Variants in MCTP1 observed in about 807,000 individuals in gnomAD.
The protein encoded by MCTP1 is multiple C2 and transmembrane domain containing 1, also known as multiple C2 and transmembrane domain-containing protein 1.
Under a neutral mutation model 120.6 loss-of-function variants are expected in MCTP1, and 69 were observed. The observed-to-expected ratio is 0.57, with a 90% CI of 0.47 to 0.70. The LOEUF (loss-of-function observed/expected upper bound fraction) is 0.70. Among genes scored for constraint, MCTP1 ranks in the 30% least tolerant of loss-of-function variants. The probability of loss-of-function intolerance (pLI) is 0.00; values close to 1 mark genes in which losing one functional copy is unlikely to be tolerated. For missense variants in MCTP1, 1,203 were observed against 1,248.8 expected, an observed-to-expected ratio of 0.96 and a Z score of 0.55; for synonymous variants, 529 against 493.1, an observed-to-expected ratio of 1.07 and a Z score of -0.96.
At chr5:94,724,632 A>T (rs1213639546) in intron 19 of MCTP1, among the ~76,000 whole-genome samples, 1 of 152,188 alleles carries the variant, frequency 6.6e-6, no homozygotes, top group Non-Finnish European at 1.5e-5. Context: ...AATGGGTTAC[A>T]TCAGAGACTT....
intron 1 of MCTP1, among the ~76,000 whole-genome samples, chr5:95,116,402 A>G (rs1169982267): frequency 6.6e-6 from 1 of 152,190 alleles, no homozygotes; most frequent in Non-Finnish European, 1.5e-5. Context: ...TAAGAGTTGG[A>G]GGAAGCAGTA....
intron 8 of MCTP1, among the ~76,000 whole-genome samples, chr5:94,916,433 G>A (rs1810072906): frequency 6.6e-6 from 1 of 152,132 alleles, no homozygotes; most frequent in Admixed American, 6.6e-5. Context: ...GTGTATCTAC[G>A]GGTGGAGGGA....
rs1689265634 is a variant in MCTP1 at position 94,707,546 on chromosome 5, G to T, written c.2950C>A (p.Pro984Thr). The T allele has an allele frequency of 6.2e-7, 1 of 1,611,694 alleles. No individual in the cohort carries two copies. Among genetic ancestry groups the T allele is most frequent in the African/African-American group, 1.3e-5 (1 of 74,706 alleles). ...TTATATGGGCTATGAGAAGGATCTG[G>T]TTTCAGTTCTTGGTATTGCACCTGT... ...VQVVQYQELK[P>T]DPSHSPYKRK... Residue 984 changes from proline to threonine, a missense_variant, in exon 23 of 23, where the codon CCA becomes ACA. By Grantham distance (38) the Pro-to-Thr change is conservative. Around this residue, in one of 2 missense-constraint regions of MCTP1, gnomAD observed 740 missense variants for 871.1 expected, o/e 0.85. Coordinates refer to ENST00000515393, the MANE Select transcript of MCTP1 (RefSeq NM_024717.7).
intron 1 of MCTP1, among the ~76,000 whole-genome samples, chr5:95,019,373 T>A (rs921942497): frequency 3.3e-5 from 5 of 152,058 alleles, no homozygotes; most frequent in Admixed American, 3.3e-4. Context: ...CTGAACTTAC[T>A]CATCTTACAG....
intron 2 of MCTP1, among the ~76,000 whole-genome samples, chr5:94,983,805 C>T (rs182860594): frequency 6.6e-6 from 1 of 152,298 alleles, no homozygotes. Context: ...GCCTTCCGAC[C>T]TATAGCCCTT....
intron 17 of MCTP1, among the ~76,000 whole-genome samples, chr5:94,843,642 G>A (rs1474961438): frequency 6.6e-6 from 1 of 152,166 alleles, no homozygotes; most frequent in African/African-American, 2.4e-5. Flanking sequence ...GAGGCCATTA[G>A]TTGTGTCTCT....
At chr5:94,950,138 T>A (rs1419861675) in intron 3 of MCTP1, among the ~76,000 whole-genome samples, 1 of 152,092 alleles carries the variant, frequency 6.6e-6, no homozygotes, top group Non-Finnish European at 1.5e-5. Flanking sequence ...TTAATACTTT[T>A]AAAATATTAT....
intron 2 of MCTP1, among the ~76,000 whole-genome samples, chr5:94,955,560 G>C (rs1353336411): frequency 6.6e-6 from 1 of 152,260 alleles, no homozygotes; most frequent in South Asian, 2.1e-4. Flanking sequence ...AGTCGACCTG[G>C]GAGGCTTGAG....
chr5:95,219,813 T>A (rs1229409077), intron 1 of MCTP1, among the ~76,000 whole-genome samples: 1 of 152,206 alleles, frequency 6.6e-6, no homozygotes, highest in East Asian at 1.9e-4. Context: ...TTCATTTGAC[T>A]CCCCACTATT....
intron 1 of MCTP1, among the ~76,000 whole-genome samples, chr5:95,210,901 G>A (rs868532120): frequency 1.3e-5 from 2 of 151,704 alleles, no homozygotes; most frequent in Non-Finnish European, 2.9e-5. Context: ...ATTTGCTTGT[G>A]TGTAAAGGAT....
chr5:95,218,144 T>G, intron 1 of MCTP1, among the ~76,000 whole-genome samples: 1 of 152,198 alleles, frequency 6.6e-6, no homozygotes, highest in East Asian at 1.9e-4. Flanking sequence ...TTTCTAGTCC[T>G]CCAAATGAGT....
intron 10 of MCTP1, among the ~76,000 whole-genome samples, chr5:94,907,743 C>A: frequency 6.6e-6 from 1 of 150,888 alleles, no homozygotes; most frequent in East Asian, 1.9e-4. Context: ...TTGGAAAATT[C>A]TTACCAAAGG....
chr5:94,754,990 C>T (rs1014309892), intron 19 of MCTP1, among the ~76,000 whole-genome samples: 7 of 152,246 alleles, frequency 4.6e-5, no homozygotes, highest in Non-Finnish European at 8.8e-5. Context: ...CCCGTTTTGG[C>T]GACCACACAT....
intron 1 of MCTP1, among the ~76,000 whole-genome samples, chr5:95,194,477 T>C (rs1391354513): frequency 6.6e-6 from 1 of 152,132 alleles, no homozygotes; most frequent in Non-Finnish European, 1.5e-5. Context: ...CTGTGAGAAA[T>C]GATTTGAGGG....
chr5:94,777,149 C>T (rs1015108743), intron 19 of MCTP1, among the ~76,000 whole-genome samples: 3 of 152,146 alleles, frequency 2.0e-5, no homozygotes, highest in Admixed American at 6.5e-5. Flanking sequence ...CACTGCTTGT[C>T]GGCATCCTGT....
chr5:94,874,301 A>T (rs1353035293), intron 12 of MCTP1, among the ~76,000 whole-genome samples: 1 of 152,128 alleles, frequency 6.6e-6, no homozygotes, highest in Non-Finnish European at 1.5e-5. Flanking sequence ...ATATCATTGA[A>T]GATTTTCTAT....
At chr5:94,903,428 G>T (rs1010128025) in intron 10 of MCTP1, among the ~76,000 whole-genome samples, 2 of 152,116 alleles carry the variant, frequency 1.3e-5, no homozygotes, top group African/African-American at 2.4e-5. Flanking sequence ...TTCCTCATTT[G>T]CCACATGAAA....
intron 1 of MCTP1, among the ~76,000 whole-genome samples, chr5:95,113,471 G>T (rs578149202): frequency 1.3e-5 from 2 of 152,200 alleles, no homozygotes; most frequent in South Asian, 4.1e-4. Context: ...TGTGCACTTG[G>T]AAGTGGGAGC....
Position 95,231,980 on chromosome 5 carries a change from T to C in MCTP1, c.720+51876A>G, listed in dbSNP as rs140860303. On this transcript the variant is annotated intron_variant, in intron 1 of 22. Transcript: ENST00000515393. ...CTTTTGTCATTTTGAGCCAGACAATTCTTTGTCATGGAGAGCTGTTAGGTG... is the reference window on the plus strand; with the variant it reads ...CTTTTGTCATTTTGAGCCAGACAATCCTTTGTCATGGAGAGCTGTTAGGTG... Among the ~76,000 whole-genome samples the C allele has an allele frequency of 5.5e-3, 831 of 152,182 alleles. 5 individuals are homozygous for C. The highest frequency in any genetic ancestry group is 9.2e-3 in the Non-Finnish European group (624 of 67,998).
Sources: allele counts gnomAD v4.1 joint callset (sites outside exome capture counted in the v4.1 genomes callset), GRCh38; gene constraint gnomAD v4.1.1; regional missense constraint gnomAD v4.1.1; transcripts MANE v1.5; gene names NCBI Gene and HGNC (gene_info 2026-07-23, HGNC 2026-07-21).